PRKAG2: variants seen among roughly 807,000 people sequenced by gnomAD.
PRKAG2 encodes the protein protein kinase AMP-activated non-catalytic subunit gamma 2.
Under a neutral mutation model 69.6 loss-of-function variants are expected in PRKAG2, and 26 were observed. The observed-to-expected ratio is 0.37, with a 90% CI of 0.27 to 0.52. PRKAG2 has a LOEUF of 0.52. Ranked by LOEUF, PRKAG2 falls within the 20% of genes least tolerant of loss-of-function variation. The pLI, the probability that PRKAG2 is intolerant of heterozygous loss-of-function variation, is 0.90. For synonymous variants in PRKAG2, 293 were observed against 285.0 expected, an observed-to-expected ratio of 1.03 and a Z score of -0.28; for missense variants, 557 against 740.0, an observed-to-expected ratio of 0.75 and a Z score of 2.87.
chr7:151,611,608 G>C (rs138118219), intron 5 of PRKAG2, among the ~76,000 whole-genome samples: 1 of 152,308 alleles, frequency 6.6e-6, no homozygotes, highest in African/African-American at 2.4e-5. Context: ...GGATCCAGCA[G>C]AGCCGAGCCC....
chr7:151,581,557 CA>C (rs1480442792), intron 6 of PRKAG2, among the ~76,000 whole-genome samples: 3 of 151,870 alleles, frequency 2.0e-5, no homozygotes, highest in Non-Finnish European at 4.4e-5. Flanking sequence ...CATCTACACA[CA>C]AAAATCTCTG....
At chr7:151,861,187 A>G (rs373300219) in intron 1 of PRKAG2, among the ~76,000 whole-genome samples, 1 of 152,226 alleles carries the variant, frequency 6.6e-6, no homozygotes, top group Non-Finnish European at 1.5e-5. Flanking sequence ...TTATTCAGCC[A>G]AAGCCTAATG....
chr7:151,866,169 C>G (rs532358828), intron 1 of PRKAG2, among the ~76,000 whole-genome samples: 1 of 152,166 alleles, frequency 6.6e-6, no homozygotes, highest in Non-Finnish European at 1.5e-5. Context: ...CAGGGCAAAC[C>G]GAAGGGAGGC....
At chr7:151,703,753 C>G (rs1838110399) in intron 3 of PRKAG2, among the ~76,000 whole-genome samples, 2 of 151,464 alleles carry the variant, frequency 1.3e-5, no homozygotes, top group Non-Finnish European at 2.9e-5. Flanking sequence ...GCCTGTAATC[C>G]CAGCACTTTG....
chr7:151,631,887 C>A, intron 5 of PRKAG2, 182 bp downstream of exon 5: 1 of 530,138 alleles, frequency 1.9e-6, no homozygotes, highest in Non-Finnish European at 3.0e-6. Context: ...CGGTACCCCG[C>A]AGCCCGAGCT....
chr7:151,846,200 C>T (rs571913232), intron 1 of PRKAG2, among the ~76,000 whole-genome samples: 7 of 152,170 alleles, frequency 4.6e-5, no homozygotes, highest in Admixed American at 3.9e-4. Context: ...TAAGGCCGGG[C>T]GCGGTGGTTC....
chr7:151,558,599 C>T, intron 15 of PRKAG2: 1 of 943,788 alleles, frequency 1.1e-6, no homozygotes, highest in Non-Finnish European at 1.3e-6. Context: ...GCAGGCGCTC[C>T]CTGAGTTCCA....
chr7:151,772,265 A>G (rs995900820), intron 3 of PRKAG2, among the ~76,000 whole-genome samples: 22 of 152,270 alleles, frequency 1.4e-4, no homozygotes, highest in African/African-American at 5.1e-4. Context: ...AACACACATA[A>G]TGCCCCTTTC....
intron 4 of PRKAG2, among the ~76,000 whole-genome samples, chr7:151,665,685 T>C (rs370067881): frequency 1.3e-5 from 2 of 152,168 alleles, no homozygotes; most frequent in Non-Finnish European, 2.9e-5. Flanking sequence ...TAATCTGTTG[T>C]GAGTCACAGA....
chr7:151,686,926 AT>A, intron 3 of PRKAG2, among the ~76,000 whole-genome samples: 1 of 152,310 alleles, frequency 6.6e-6, no homozygotes, highest in African/African-American at 2.4e-5. Flanking sequence ...AGGTGAAAAA[AT>A]ATTTCTATTT....
chr7:151,632,473 G>A lies in PRKAG2; in HGVS notation c.685-335C>T, dbSNP rs1001406147. The A allele has an allele frequency of 3.0e-5, 23 of 763,676 alleles. No individual in the cohort carries two copies. The Admixed American group carries it at 1.2e-3, about 40-fold the overall frequency. The allele number at this position is 763,676 out of a possible 1,614,324, so 47.3% of individuals were successfully genotyped here. A position where few individuals can be genotyped will look rare whatever the true frequency, so the allele number is the denominator to read the frequency against. On this transcript the variant is annotated intron_variant, in intron 4 of 15. Coordinates refer to ENST00000287878, the MANE Select transcript of PRKAG2 (RefSeq NM_016203.4). This position sits in a 1 kb window ranked among gnomAD's most constrained non-coding sequence, Gnocchi z 4.2. The stretch of plus-strand genomic sequence containing the variant: ...TCGAGGGCGGCAGCGCCTGGGCCCG[G>A]GGCGCCCCCCTCCGGCCGTGGCCCG...
intron 6 of PRKAG2, among the ~76,000 whole-genome samples, chr7:151,581,851 C>A (rs1170691407): frequency 6.6e-6 from 1 of 152,204 alleles, no homozygotes; most frequent in African/African-American, 2.4e-5. Context: ...ATAATAAATT[C>A]TCAGACTAAT....
chr7:151,626,603 T>C lies in PRKAG2; in HGVS notation c.754+5466A>G, dbSNP rs565433203. Among the ~76,000 whole-genome samples, 19 of 152,222 alleles carry C rather than the reference T, an allele frequency of 1.2e-4. No individual in the cohort carries two copies. In the East Asian group the frequency reaches 3.7e-3, roughly 29 times the overall value. ...GACTGTGCCCACACACCTGCCACTT[T>C]GATATCTCCACCAGCAGAGGTCAGT... On this transcript the variant is annotated intron_variant, in intron 5 of 15. Coordinates refer to ENST00000287878, the MANE Select transcript of PRKAG2 (RefSeq NM_016203.4).
chr7:151,689,696 C>A (rs1343837071), intron 3 of PRKAG2, among the ~76,000 whole-genome samples: 2 of 152,114 alleles, frequency 1.3e-5, no homozygotes, highest in Non-Finnish European at 2.9e-5. Flanking sequence ...TGGCTGCAGC[C>A]GGCTGCCATG....
intron 3 of PRKAG2, among the ~76,000 whole-genome samples, chr7:151,724,935 G>A (rs1283845165): frequency 2.0e-5 from 3 of 152,086 alleles, no homozygotes; most frequent in Non-Finnish European, 2.9e-5. Context: ...GCTCCTCCTC[G>A]GTGCCCAAGG....
intron 3 of PRKAG2, among the ~76,000 whole-genome samples, chr7:151,716,426 G>A (rs1796198630): frequency 6.6e-6 from 1 of 152,198 alleles, no homozygotes; most frequent in Non-Finnish European, 1.5e-5. Flanking sequence ...GGGTCCGTAT[G>A]TGGACTCCCA....
rs1256669216 is a variant in PRKAG2 at position 151,836,904 on chromosome 7, G to C, written c.114+39603C>G. On this transcript the variant is annotated intron_variant, in intron 1 of 15. Transcript: ENST00000287878. This position sits in a 1 kb window ranked among gnomAD's most constrained non-coding sequence, Gnocchi z 4.1. ...GCAGAACAGAGTGAGCACTCCAGAC[G>C]CGAAAGGGCCCGGCCCAGCCAGCTT... 6.6e-6 allele frequency among the ~76,000 whole-genome samples: 1 copy of C among 152,132 alleles called. No homozygotes were observed. The highest frequency in any genetic ancestry group is 2.4e-5 in the African/African-American group (1 of 41,428).
Position 151,556,457 on chromosome 7 carries a change from C to T in PRKAG2, c.*744G>A, listed in dbSNP as rs1298974157. 6.6e-6 allele frequency: 1 copy of T among 152,636 alleles called. No individual in the cohort carries two copies. Among genetic ancestry groups the T allele is most frequent in the Admixed American group, 6.5e-5 (1 of 15,278 alleles). 9.5% of individuals were successfully genotyped at this position (152,636 alleles called of 1,614,324 possible). On this transcript the variant is annotated 3_prime_UTR_variant, in exon 16 of 16. Transcript: ENST00000287878. ...GACCTCAGCTTTTAAAACCCAGCAGCGGCTATTTCAGAAGTCATGTCCTTT... is the reference window on the plus strand; with the variant it reads ...GACCTCAGCTTTTAAAACCCAGCAGTGGCTATTTCAGAAGTCATGTCCTTT...
chr7:151,855,921 C>G (rs11762585), intron 1 of PRKAG2, among the ~76,000 whole-genome samples: 37,225 of 152,150 alleles, frequency 0.24, 5,299 homozygotes, highest in South Asian at 0.4. Context: ...AATGCAGTTA[C>G]ATAAAATACC....
Sources: allele counts gnomAD v4.1 joint callset (sites outside exome capture counted in the v4.1 genomes callset), GRCh38; gene constraint gnomAD v4.1.1; non-coding constraint Gnocchi (gnomAD v3.1); transcripts MANE v1.5; gene names NCBI Gene and HGNC (gene_info 2026-07-23, HGNC 2026-07-21).